The following ZNF648 variants were observed in gnomAD, a reference collection of about 807,000 sequenced individuals.
ZNF648 encodes the protein zinc finger protein 648.
Under a neutral mutation model 0.3 loss-of-function variants are expected in ZNF648, and 1 was observed. The observed-to-expected ratio is 3.90, with a 90% CI of 1.39 to 18.51. The LOEUF is 18.51. ZNF648 is among the 30% of genes most tolerant of loss of function. The pLI is 0.11. For synonymous variants in ZNF648, 376 were observed against 326.8 expected (o/e 1.15, Z -1.62); for missense variants, 874 against 769.7 (o/e 1.14, Z -1.60).
rs1318235097 is a variant in ZNF648 at position 182,056,873 on chromosome 1, G to A, written c.1138C>T (p.Leu380=). 1.3e-6 allele frequency: 2 copies of A among 1,573,138 alleles called. No homozygotes were observed. The highest frequency in any genetic ancestry group is 1.9e-5 in the Admixed American group (1 of 52,410). Reference sequence around the variant, plus strand: ...CCCAGGTGCGTGCGCTGGTGGCGCAGCAGCGACAGCGGCTTGTTGAAGGTC... The same window carrying A: ...CCCAGGTGCGTGCGCTGGTGGCGCAACAGCGACAGCGGCTTGTTGAAGGTC... ...GLTFNKPLSL[L]RHQRTHLGAK... The change falls in exon 2 of 2, where the codon CTG becomes TTG. Residue 380 remains leucine (L), a synonymous_variant. Coordinates refer to ENST00000339948, the MANE Select transcript of ZNF648 (RefSeq NM_001009992.1).
Position 182,057,660 on chromosome 1 carries a change from C to A in ZNF648, c.351G>T (p.Pro117=). Residue 117 remains proline (P), a synonymous_variant, in exon 2 of 2, where the codon CCG becomes CCT. Coordinates refer to ENST00000339948, the MANE Select transcript of ZNF648 (RefSeq NM_001009992.1). Reference sequence around the variant, plus strand: ...GGGAACCCAGAGCTCTGCTTGCTCCCGGGGAACCCTGGGTCTCGTTGATCT... The same window carrying A: ...GGGAACCCAGAGCTCTGCTTGCTCCAGGGGAACCCTGGGTCTCGTTGATCT... ...VTKINETQGS[P]GASRALGSLP... 1 of 1,614,186 alleles carries A rather than the reference C, an allele frequency of 6.2e-7. No homozygotes were observed. Among genetic ancestry groups the A allele is most frequent in the East Asian group, 2.2e-5 (1 of 44,872 alleles).
upstream of ZNF648, among the ~76,000 whole-genome samples, chr1:182,065,089 T>C (rs1209966076): frequency 6.6e-6 from 1 of 152,184 alleles, no homozygotes. Context: ...GTTACCTGCA[T>C]TTACAGATGG....
At chr1:182,063,498 G>A (rs918751313), upstream of ZNF648, 1 of 152,164 alleles carries the variant, frequency 6.6e-6, no homozygotes, top group African/African-American at 2.4e-5. Context: ...CTGCATGTAT[G>A]TCTTCTTTTG....
chr1:182,063,483 G>A (rs1374600904), upstream of ZNF648: 1 of 151,920 alleles, frequency 6.6e-6, no homozygotes, highest in Admixed American at 6.6e-5. Flanking sequence ...TCATGTATTT[G>A]TTGGCTGCAT....
In ZNF648 at chr1:182,057,169, C is replaced by A; in HGVS notation, c.842G>T (p.Cys281Phe). Reference protein sequence around the residue: ...TRGGAAKRYACELCGKAYSHR... With the variant: ...TRGGAAKRYAFELCGKAYSHR... Reference sequence around the variant, plus strand: ...GGAGTAGGCCTTCCCGCATAGCTCGCACGCGTAGCGCTTGGCGGCGCCGCC... The same window carrying A: ...GGAGTAGGCCTTCCCGCATAGCTCGAACGCGTAGCGCTTGGCGGCGCCGCC... Residue 281 changes from cysteine to phenylalanine, a missense_variant, in exon 2 of 2, where the codon TGC (cysteine) becomes TTC (phenylalanine). Cys to Phe is a radical substitution (Grantham distance 205). Transcript: ENST00000339948. The A allele has an allele frequency of 6.3e-7, 1 of 1,593,736 alleles. No homozygotes were observed.
chr1:182,056,645 C>G lies in ZNF648; in HGVS notation c.1366G>C (p.Ala456Pro). Reference protein sequence around the residue: ...RPFKCADCGVAFAQPSRLVRH... With the variant: ...RPFKCADCGVPFAQPSRLVRH... The stretch of plus-strand genomic sequence containing the variant: ...ACGAGGCGCGAGGGCTGCGCGAAGG[C>G]CACGCCGCAGTCAGCGCACTTGAAA... Residue 456 changes from alanine to proline, a missense_variant, in exon 2 of 2, where the codon GCC becomes CCC. Transcript: ENST00000339948. 1 of 1,609,688 alleles carries G rather than the reference C, an allele frequency of 6.2e-7. No homozygotes were observed. The highest frequency in any genetic ancestry group is 8.5e-7 in the Non-Finnish European group (1 of 1,177,938).
At position 182,056,964 on chromosome 1, in the gene ZNF648, G is replaced by GT. The variant is rs1236357987; in HGVS notation, c.1046dup (p.Asp349GlufsTer14). ...GCATGTTGCGCTGGTGTTTGCGCAG[G>GT]TCCGAAGAGCGCACGAAGGCCTTCC... On this transcript the variant is annotated frameshift_variant, in exon 2 of 2. Transcript: ENST00000339948. LOFTEE classifies it low-confidence loss of function (END_TRUNC). 6.2e-7 allele frequency: 1 copy of GT among 1,613,586 alleles called. No homozygotes were observed. The highest frequency in any genetic ancestry group is 8.5e-7 in the Non-Finnish European group (1 of 1,179,918).
chr1:182,057,282 T>C lies in ZNF648; in HGVS notation c.729A>G (p.Gly243=), dbSNP rs762095357. ...VQNQAGRREG[G]EAEARPYRCL... is the part of the protein sequence containing the mutation. ...ACCTGTAGGGACGCGCCTCAGCCTC[T>C]CCGCCCTCGCGCCGGCCCGCCTGGT... is the stretch of plus-strand genomic sequence containing the variant. Residue 243 remains glycine, a synonymous_variant, in exon 2 of 2, where the codon GGA becomes GGG. Coordinates refer to ENST00000339948, the MANE Select transcript of ZNF648 (RefSeq NM_001009992.1). 2.5e-6 allele frequency: 4 copies of C among 1,593,900 alleles called. No individual in the cohort carries two copies. The African/African-American group carries it at 4.0e-5, about 16-fold the overall frequency.
chr1:182,060,242 G>A (rs1441862625), intron 1 of ZNF648, among the ~76,000 whole-genome samples: 1 of 152,216 alleles, frequency 6.6e-6, no homozygotes, highest in African/African-American at 2.4e-5. Flanking sequence ...TGCCTGTGGT[G>A]CTCAAGAGTA....
In ZNF648 at chr1:182,056,923, G is replaced by A; in HGVS notation, c.1088C>T (p.Pro363Leu). 2 of 1,608,216 alleles carry A rather than the reference G, an allele frequency of 1.2e-6. No homozygotes were observed. Among genetic ancestry groups the A allele is most frequent in the Non-Finnish European group, 8.5e-7 (1 of 1,177,560 alleles). The change falls in exon 2 of 2, where the codon CCC (proline) becomes CTC (leucine). Residue 363 changes from proline (P) to leucine (L), a missense_variant. Pro to Leu is a moderately conservative substitution (Grantham distance 98). Coordinates refer to ENST00000339948, the MANE Select transcript of ZNF648 (RefSeq NM_001009992.1). ...CAGGCCGCACTCGGAGCACGGGAAG[G>A]GCTTATTGTTGCTGTGCATGTTGCG... is the stretch of plus-strand genomic sequence containing the variant. ...HQRNMHSNNK[P>L]FPCSECGLTF...
the ZNF648 span, among the ~76,000 whole-genome samples, chr1:182,068,030 T>C: frequency 6.6e-6 from 1 of 152,206 alleles, no homozygotes; most frequent in Non-Finnish European, 1.5e-5. Flanking sequence ...CCTTCTGGGC[T>C]CAGGGATAGA....
chr1:182,057,277 G>T lies in ZNF648; in HGVS notation c.734C>A (p.Ala245Asp). ...NQAGRREGGE[A>D]EARPYRCLRG... ...CAGGCACCTGTAGGGACGCGCCTCA[G>T]CCTCTCCGCCCTCGCGCCGGCCCGC... Residue 245 changes from alanine (A) to aspartate (D), a missense_variant, in exon 2 of 2, where the codon GCT (alanine) becomes GAT (aspartate). Coordinates refer to ENST00000339948, the MANE Select transcript of ZNF648 (RefSeq NM_001009992.1). The T allele has an allele frequency of 6.3e-7, 1 of 1,592,396 alleles. No individual in the cohort carries two copies. The highest frequency in any genetic ancestry group is 2.3e-5 in the East Asian group (1 of 44,308).
At position 182,057,160 on chromosome 1, in the gene ZNF648, C is replaced by T. The variant is rs1179547313; in HGVS notation, c.851G>A (p.Cys284Tyr). Residue 284 changes from cysteine to tyrosine, a missense_variant, in exon 2 of 2, where the codon TGC becomes TAC. Transcript: ENST00000339948. ...GAAKRYACELCGKAYSHRGTL... is the reference protein window; with the variant it reads ...GAAKRYACELYGKAYSHRGTL... ...GCCGCGGTGGGAGTAGGCCTTCCCG[C>T]ATAGCTCGCACGCGTAGCGCTTGGC... 1 of 1,598,160 alleles carries T rather than the reference C, an allele frequency of 6.3e-7. No individual in the cohort carries two copies. The highest frequency in any genetic ancestry group is 1.7e-5 in the Admixed American group (1 of 58,990).
rs866872550 is a variant in ZNF648, at chr1:182,058,017, C to T, written c.-7G>A. 1 of 1,593,116 alleles carries T rather than the reference C, an allele frequency of 6.3e-7. No homozygotes were observed. The highest frequency in any genetic ancestry group is 1.1e-5 in the South Asian group (1 of 87,076). On this transcript the variant is annotated 5_prime_UTR_variant, in exon 2 of 2. Coordinates refer to ENST00000339948, the MANE Select transcript of ZNF648 (RefSeq NM_001009992.1). ...GGGAGTCCACTTGTGCCATGATGTTCAGGCGCTTCTATTGCCTACTCCTCT... is the reference window on the plus strand; with the variant it reads ...GGGAGTCCACTTGTGCCATGATGTTTAGGCGCTTCTATTGCCTACTCCTCT...
chr1:182,057,552 C>G lies in ZNF648; in HGVS notation c.459G>C (p.Ser153=), dbSNP rs755158267. ...DRLPAGDDGY[S]GANQDAVLDV... ...CCAAGACTGCGTCCTGGTTTGCCCC[C>G]GAGTATCCATCATCACCCGCAGGTA... Residue 153 remains serine (S), a synonymous_variant, in exon 2 of 2, where the codon TCG becomes TCC. Transcript: ENST00000339948. The G allele has an allele frequency of 5.0e-6, 8 of 1,614,204 alleles. No homozygotes were observed. In the South Asian group the frequency reaches 7.7e-5, roughly 16 times the overall value.
At chr1:182,061,184 G>C (rs1252123049) in intron 1 of ZNF648, among the ~76,000 whole-genome samples, 1 of 152,148 alleles carries the variant, frequency 6.6e-6, no homozygotes, top group Admixed American at 6.5e-5. Context: ...GCACAGGGAG[G>C]GATTTTCTGG....
chr1:182,065,071 C>G (rs1345462521), upstream of ZNF648, among the ~76,000 whole-genome samples: 3 of 152,198 alleles, frequency 2.0e-5, no homozygotes, highest in African/African-American at 4.8e-5. Context: ...GAAGCAGCTA[C>G]TACTAGTGTT....
Position 182,054,848 on chromosome 1 carries a change from A to G in ZNF648, c.*1456T>C, listed in dbSNP as rs1229785801. ...TTACCTTGGTCAAACAAGACACAAGACTATCTAGCTATCTAGCTATCTAGC... is the reference window on the plus strand; with the variant it reads ...TTACCTTGGTCAAACAAGACACAAGGCTATCTAGCTATCTAGCTATCTAGC... On this transcript the variant is annotated 3_prime_UTR_variant, in exon 2 of 2. Transcript: ENST00000339948. 6.6e-6 allele frequency: 1 copy of G among 152,230 alleles called. No homozygotes were observed. The highest frequency in any genetic ancestry group is 1.5e-5 in the Non-Finnish European group (1 of 68,042). 9.4% of individuals were successfully genotyped at this position (152,230 alleles called of 1,614,324 possible).
chr1:182,056,805 A>G lies in ZNF648; in HGVS notation c.1206T>C (p.Ala402=), dbSNP rs1175802801. 1.3e-6 allele frequency: 2 copies of G among 1,545,388 alleles called. No individual in the cohort carries two copies. The highest frequency in any genetic ancestry group is 1.2e-5 in the South Asian group (1 of 83,856). Residue 402 remains alanine (A), a synonymous_variant, in exon 2 of 2, where the codon GCT becomes GCC. Transcript: ENST00000339948. ...GGTGCTCCACCATGCGGCTGGCCAC[A>G]GCGAACTCCCGGTCGCAGGCGGGGC... ...FRCPACDREF[A]VASRMVEHQR...
Sources: allele counts gnomAD v4.1 joint callset (sites outside exome capture counted in the v4.1 genomes callset), GRCh38; gene constraint gnomAD v4.1.1; transcripts MANE v1.5; gene names NCBI Gene and HGNC (gene_info 2026-07-23, HGNC 2026-07-21).